Variants in CNTN2 observed in about 807,000 individuals in gnomAD.
CNTN2 encodes contactin 2, also known as contactin-2.
A neutral mutation model predicts 117.5 loss-of-function variants in CNTN2; 53 were observed. The observed-to-expected ratio is 0.45, with a 90% CI of 0.36 to 0.57. CNTN2 has a LOEUF of 0.57. Ranked by LOEUF, CNTN2 falls within the 20% of genes least tolerant of loss-of-function variation. CNTN2 has a pLI of 0.00. For synonymous variants in CNTN2, 530 were observed against 561.7 expected, an observed-to-expected ratio of 0.94 and a Z score of 0.80; for missense variants, 1,106 against 1,404.3, an observed-to-expected ratio of 0.79 and a Z score of 3.39.
rs1194126862 is a variant in CNTN2, at chr1:205,063,629, T to TA, written c.1241-680dup. ...GGGCAACACAGCAAGACTTGTCTTTTAAAAAAAAAAAAAGAAGAAGAAAGA... is the reference window on the plus strand; with the variant it reads ...GGGCAACACAGCAAGACTTGTCTTTTAAAAAAAAAAAAAAGAAGAAGAAAGA... On this transcript the variant is annotated intron_variant, in intron 10 of 22. Transcript: ENST00000331830. 847 of 126,380 alleles carry TA rather than the reference T, an allele frequency of 6.7e-3. 5 individuals are homozygous for TA. The highest frequency in any genetic ancestry group is 0.02 in the African/African-American group (667 of 33,886). The allele number at this position is 126,380 out of a possible 1,614,324, so 7.8% of individuals were successfully genotyped here.
chr1:205,066,443 C>A lies in CNTN2; in HGVS notation c.1819C>A (p.Pro607Thr). 1 of 1,613,576 alleles carries A rather than the reference C, an allele frequency of 6.2e-7. No individual in the cohort carries two copies. Among genetic ancestry groups the A allele is most frequent in the South Asian group, 1.1e-5 (1 of 90,992 alleles). ...TGTGCTCTGACCTCTTGGTGCAGGT[C>A]CGCCAGGTCCCCCAGGAGGTGTGGT... ...SKEATVLVRGPPGPPGGVVVR... is the reference protein window; with the variant it reads ...SKEATVLVRGTPGPPGGVVVR... Residue 607 changes from proline (P) to threonine (T), a missense_variant and splice_region_variant, in exon 15 of 23, where the codon CCG becomes ACG. Pro to Thr is a conservative substitution (Grantham distance 38). Transcript: ENST00000331830.
In CNTN2 at chr1:205,061,166, T is replaced by C; in HGVS notation, c.798-79T>C. On this transcript the variant is annotated intron_variant, in intron 7 of 22. Coordinates refer to ENST00000331830, the MANE Select transcript of CNTN2 (RefSeq NM_005076.5). This position sits in a 1 kb window ranked among gnomAD's most constrained non-coding sequence, Gnocchi z 4.8. ...CCAGCATCTCAGGAGGGCCTGAGAGTCTGGGTATGAGGAGCTGCGGGCACT... is the reference window on the plus strand; with the variant it reads ...CCAGCATCTCAGGAGGGCCTGAGAGCCTGGGTATGAGGAGCTGCGGGCACT... The C allele has an allele frequency of 6.9e-7, 1 of 1,455,310 alleles. No homozygotes were observed. The highest frequency in any genetic ancestry group is 9.3e-7 in the Non-Finnish European group (1 of 1,074,792). The allele number at this position is 1,455,310 out of a possible 1,614,324, so 90.1% of individuals were successfully genotyped here.
At chr1:205,071,744 G>C (rs1654602519) in intron 19 of CNTN2, among the ~76,000 whole-genome samples, 1 of 152,158 alleles carries the variant, frequency 6.6e-6, no homozygotes, top group African/African-American at 2.4e-5. Flanking sequence ...CACCTTCCTT[G>C]AACTACGCAC....
rs1238388408 is a variant in CNTN2 at position 205,075,783 on chromosome 1, G to A, written c.*2018G>A. ...CCAACCCTTACAAGCAAGGGTGCTA[G>A]GGGCTCAGCTATACGACCATTCTCC... On this transcript the variant is annotated 3_prime_UTR_variant, in exon 23 of 23. Coordinates refer to ENST00000331830, the MANE Select transcript of CNTN2 (RefSeq NM_005076.5). 3 of 149,180 alleles carry A rather than the reference G, an allele frequency of 2.0e-5. No homozygotes were observed. Among genetic ancestry groups the A allele is most frequent in the Non-Finnish European group, 4.4e-5 (3 of 67,728 alleles). 9.2% of individuals were successfully genotyped at this position (149,180 alleles called of 1,614,324 possible).
Position 205,059,008 on chromosome 1 carries a change from A to G in CNTN2, c.488-76A>G. On this transcript the variant is annotated intron_variant, in intron 5 of 22. Coordinates refer to ENST00000331830, the MANE Select transcript of CNTN2 (RefSeq NM_005076.5). The surrounding 1 kb of genome is among the most constrained non-coding windows in gnomAD (Gnocchi z 5.6). ...AGGACAGGGCTTGCAGAACCGCACC[A>G]GCATGCTGGGGTCCCACCCAGAGTG... The G allele has an allele frequency of 7.4e-7, 1 of 1,344,204 alleles. No individual in the cohort carries two copies. The highest frequency in any genetic ancestry group is 1.1e-6 in the Non-Finnish European group (1 of 948,872). The allele number at this position is 1,344,204 out of a possible 1,614,324, so 83.3% of individuals were successfully genotyped here. A position where few individuals can be genotyped will look rare whatever the true frequency, so the allele number is the denominator to read the frequency against.
intron 2 of CNTN2, among the ~76,000 whole-genome samples, chr1:205,055,096 C>A (rs980117804): frequency 2.6e-5 from 4 of 152,080 alleles, no homozygotes; most frequent in African/African-American, 9.7e-5. Context: ...TCTCTGCAAC[C>A]TCTGACTCCT....
At chr1:205,069,367 G>A (rs1654461725) in intron 16 of CNTN2, 124 bp from the exon 17 acceptor site, 2 of 843,874 alleles carry the variant, frequency 2.4e-6, no homozygotes, top group Non-Finnish European at 3.7e-6. Flanking sequence ...GACCACTGGG[G>A]GGCAAACCCA....
Position 205,073,009 on chromosome 1 carries a change from A to T in CNTN2, c.2845-59A>T. ...CTCCTCCCAGTACCTAAAGCTGGGGATGACTCAACGATCAGCCCTGGTGTC... is the reference window on the plus strand; with the variant it reads ...CTCCTCCCAGTACCTAAAGCTGGGGTTGACTCAACGATCAGCCCTGGTGTC... On this transcript the variant is annotated intron_variant, in intron 21 of 22. Coordinates refer to ENST00000331830, the MANE Select transcript of CNTN2 (RefSeq NM_005076.5). This position sits in a 1 kb window ranked among gnomAD's most constrained non-coding sequence, Gnocchi z 6.3. 1 of 1,577,968 alleles carries T rather than the reference A, an allele frequency of 6.3e-7. No individual in the cohort carries two copies. The highest frequency in any genetic ancestry group is 8.7e-7 in the Non-Finnish European group (1 of 1,154,758).
upstream of CNTN2, chr1:205,043,016 C>T (rs1370471628): frequency 6.9e-6 from 1 of 145,268 alleles, no homozygotes; most frequent in Non-Finnish European, 1.5e-5. Flanking sequence ...GGGCTCGCTC[C>T]CTGGTCCTTA....
Position 205,065,618 on chromosome 1 carries a change from A to G in CNTN2, c.1696-171A>G, listed in dbSNP as rs1654240295. ...TGCTGTTTAGTCCCCAGTGGTTCTAAGTGATGAGTCGTGATTCCTCCCATT... is the reference window on the plus strand; with the variant it reads ...TGCTGTTTAGTCCCCAGTGGTTCTAGGTGATGAGTCGTGATTCCTCCCATT... On this transcript the variant is annotated intron_variant, in intron 13 of 22. Coordinates refer to ENST00000331830, the MANE Select transcript of CNTN2 (RefSeq NM_005076.5). The surrounding 1 kb of genome is among the most constrained non-coding windows in gnomAD (Gnocchi z 4.1). Among the ~76,000 whole-genome samples, 1 of 144,622 alleles carries G rather than the reference A, an allele frequency of 6.9e-6. No homozygotes were observed. Among genetic ancestry groups the G allele is most frequent in the African/African-American group, 2.5e-5 (1 of 40,596 alleles). 94.9% of individuals were successfully genotyped at this position (144,622 alleles called of 152,430 possible).
At position 205,064,452 on chromosome 1, in the gene CNTN2, G is replaced by A; in HGVS notation, c.1371G>A (p.Glu457=). ...TGGTGCTCTGGAGCAAAGGCACGGA[G>A]ATTTTGGTCAACAGCAGCAGGTACC... ...KAVVLWSKGT[E]ILVNSSRVTV... is the part of the protein sequence containing the mutation. The change falls in exon 11 of 23, where the codon GAG becomes GAA. Residue 457 remains glutamate, a synonymous_variant. Coordinates refer to ENST00000331830, the MANE Select transcript of CNTN2 (RefSeq NM_005076.5). 6.2e-7 allele frequency: 1 copy of A among 1,610,628 alleles called. No homozygotes were observed. Among genetic ancestry groups the A allele is most frequent in the South Asian group, 1.1e-5 (1 of 90,958 alleles).
chr1:205,062,985 G>C (rs1372363128), intron 10 of CNTN2: 2 of 153,388 alleles, frequency 1.3e-5, no homozygotes, highest in Non-Finnish European at 2.9e-5. Context: ...CAAGTGAGAT[G>C]AAAGAGGTAC....
At position 205,069,503 on chromosome 1, in the gene CNTN2, C is replaced by T; in HGVS notation, c.2138C>T (p.Ala713Val). Residue 713 changes from alanine to valine, a missense_variant, in exon 17 of 23, where the codon GCA becomes GTA. By Grantham distance (64) the Ala-to-Val change is moderately conservative. Transcript: ENST00000331830. ...IRTREAAPSV[A>V]PSGLSGGGGA... ...TGGCCCTTGACAGCCCCCTCGGTGG[C>T]ACCCTCAGGACTCAGCGGAGGAGGT... 6.2e-7 allele frequency: 1 copy of T among 1,614,082 alleles called. No individual in the cohort carries two copies. Among genetic ancestry groups the T allele is most frequent in the Non-Finnish European group, 8.5e-7 (1 of 1,180,008 alleles).
chr1:205,051,083 C>T (rs1574631857), intron 1 of CNTN2, among the ~76,000 whole-genome samples: 1 of 152,358 alleles, frequency 6.6e-6, no homozygotes, highest in East Asian at 1.9e-4. Flanking sequence ...CATGTGTGCC[C>T]ACGCATGTGT....
At chr1:205,057,408 T>C in intron 2 of CNTN2, 1 of 152,528 alleles carries the variant, frequency 6.6e-6, no homozygotes, top group South Asian at 2.1e-4. Context: ...GATCAGTTCT[T>C]CTGTAAGGGT....
chr1:205,066,509 AGCCGTG>A lies in CNTN2; in HGVS notation c.1888_1893del (p.Arg630_Gly631del). ...CGACACCACCATCCAGCTCAGCTGG[AGCCGTG>A]GCTTCGACAACCACAGCCCCATCGC... On this transcript the variant is annotated inframe_deletion, in exon 15 of 23. Coordinates refer to ENST00000331830, the MANE Select transcript of CNTN2 (RefSeq NM_005076.5). 1.2e-6 allele frequency: 2 copies of A among 1,614,046 alleles called. No homozygotes were observed. The highest frequency in any genetic ancestry group is 1.7e-6 in the Non-Finnish European group (2 of 1,180,024).
intron 19 of CNTN2, chr1:205,070,775 C>A (rs1654554076): frequency 3.1e-6 from 1 of 318,620 alleles, no homozygotes; most frequent in Non-Finnish European, 6.0e-6. Context: ...GGCGGTAGAT[C>A]TCCTGAGATC....
At chr1:205,064,823 T>C in intron 12 of CNTN2, 73 bp downstream of exon 12, 1 of 1,578,310 alleles carries the variant, frequency 6.3e-7, no homozygotes, top group Non-Finnish European at 8.6e-7. Flanking sequence ...ATCCTGCTCC[T>C]GTGTCCACAT....
rs929367228 is a variant in CNTN2 at position 205,073,951 on chromosome 1, G to A, written c.*186G>A. 9 of 605,184 alleles carry A rather than the reference G, an allele frequency of 1.5e-5. No homozygotes were observed. The highest frequency in any genetic ancestry group is 3.7e-5 in the African/African-American group (2 of 53,998). 37.5% of individuals were successfully genotyped at this position (605,184 alleles called of 1,614,324 possible). ...TATTCTGCCGCAGGATAGAACCCAC[G>A]CAAGGATTTTCTTTAAATTGAGAGG... On this transcript the variant is annotated 3_prime_UTR_variant, in exon 23 of 23. Coordinates refer to ENST00000331830, the MANE Select transcript of CNTN2 (RefSeq NM_005076.5). The surrounding 1 kb of genome is among the most constrained non-coding windows in gnomAD (Gnocchi z 6.3).
Sources: gnomAD v4.1 joint callset for allele counts (sites outside exome capture counted in the v4.1 genomes callset) on GRCh38, gnomAD v4.1.1 for gene constraint, Gnocchi (gnomAD v3.1) non-coding constraint, MANE v1.5 for transcripts, NCBI Gene and HGNC (gene_info 2026-07-23, HGNC 2026-07-21) for gene names.